The following CHRM3 variants were observed in gnomAD, a reference collection of about 807,000 sequenced individuals.
CHRM3 encodes the protein cholinergic receptor muscarinic 3, also known as muscarinic acetylcholine receptor M3.
A neutral mutation model predicts 41.8 loss-of-function variants in CHRM3; 11 were observed. That is an observed-to-expected ratio of 0.26 (90% CI 0.17 to 0.44). CHRM3 has a LOEUF of 0.44. Ranked by LOEUF, CHRM3 falls within the 20% of genes least tolerant of loss-of-function variation. The pLI, the probability that CHRM3 is intolerant of heterozygous loss-of-function variation, is 1.00. For missense variants in CHRM3, 571 were observed against 745.4 expected (o/e 0.77, Z 2.72); for synonymous variants, 297 against 301.4 (o/e 0.99, Z 0.15).
chr1:239,722,888 A>G (rs1041026006), intron 5 of CHRM3, among the ~76,000 whole-genome samples: 1 of 151,932 alleles, frequency 6.6e-6, no homozygotes, highest in Non-Finnish European at 1.5e-5. Context: ...TGTATCAACT[A>G]GGGAATATAA....
intron 6 of CHRM3, among the ~76,000 whole-genome samples, chr1:239,868,529 C>T (rs574299592): frequency 2.0e-5 from 3 of 152,274 alleles, no homozygotes; most frequent in Admixed American, 2.0e-4. Flanking sequence ...GCAAAGACCA[C>T]TACTATAAAC....
chr1:239,837,002 G>A (rs1673379221), intron 6 of CHRM3, among the ~76,000 whole-genome samples: 2 of 151,858 alleles, frequency 1.3e-5, no homozygotes, highest in Admixed American at 1.3e-4. Flanking sequence ...TGGGTGAAGG[G>A]GAGAGGCAAG....
chr1:239,849,372 C>G (rs1248589312), intron 6 of CHRM3, among the ~76,000 whole-genome samples: 1 of 152,284 alleles, frequency 6.6e-6, no homozygotes, highest in Non-Finnish European at 1.5e-5. Context: ...ACAGACGTTT[C>G]CCATTATAGG....
rs551787563 is a variant in CHRM3 at position 239,805,176 on chromosome 1, G to T, written c.-146-22076G>T. On this transcript the variant is annotated intron_variant, in intron 5 of 6. Coordinates refer to ENST00000676153, the MANE Select transcript of CHRM3 (RefSeq NM_001375978.1). Reference sequence around the variant, plus strand: ...TTTAATCCCTGCAAATGGGAGGATGGTGTCATGCCCTTTTCATGGATGAAA... The same window carrying T: ...TTTAATCCCTGCAAATGGGAGGATGTTGTCATGCCCTTTTCATGGATGAAA... Among the ~76,000 whole-genome samples the T allele has an allele frequency of 5.3e-5, 8 of 152,280 alleles. No homozygotes were observed. In the South Asian group the frequency reaches 1.7e-3, roughly 32 times the overall value.
chr1:239,525,501 C>A (rs1669936183), intron 2 of CHRM3, among the ~76,000 whole-genome samples: 2 of 151,344 alleles, frequency 1.3e-5, no homozygotes, highest in African/African-American at 4.9e-5. Flanking sequence ...TAGTATGAAC[C>A]CCTATATACA....
intron 5 of CHRM3, among the ~76,000 whole-genome samples, chr1:239,702,751 T>C (rs921148013): frequency 3.3e-5 from 5 of 152,230 alleles, no homozygotes; most frequent in Admixed American, 3.3e-4. Context: ...GCTAGGATTA[T>C]AGGCATGTGC....
At chr1:239,792,813 A>G (rs1368651090) in intron 5 of CHRM3, among the ~76,000 whole-genome samples, 2 of 152,246 alleles carry the variant, frequency 1.3e-5, no homozygotes, top group Non-Finnish European at 2.9e-5. Flanking sequence ...TGTTCATCAA[A>G]TTATGTTGTC....
chr1:239,529,729 T>C (rs549682394), intron 2 of CHRM3, among the ~76,000 whole-genome samples: 47 of 152,272 alleles, frequency 3.1e-4, no homozygotes, highest in African/African-American at 1.1e-3. Flanking sequence ...CTCTGTCCAT[T>C]CGTCATTAAT....
At chr1:239,805,881 C>A (rs967782625) in intron 5 of CHRM3, among the ~76,000 whole-genome samples, 1 of 152,132 alleles carries the variant, frequency 6.6e-6, no homozygotes, top group Non-Finnish European at 1.5e-5. Flanking sequence ...GATTTCCCTT[C>A]TTGGTTAGTT....
At chr1:239,504,306 A>T (rs1386213693) in intron 2 of CHRM3, among the ~76,000 whole-genome samples, 1 of 152,196 alleles carries the variant, frequency 6.6e-6, no homozygotes. Flanking sequence ...ACCAACAAAC[A>T]TGAAAAAATA....
At chr1:239,732,257 GT>G (rs1236761869) in intron 5 of CHRM3, among the ~76,000 whole-genome samples, 3 of 149,680 alleles carry the variant, frequency 2.0e-5, no homozygotes, top group Admixed American at 6.7e-5. Flanking sequence ...ACTTAGATAA[GT>G]ATACCTAATA....
chr1:239,549,752 C>T (rs116616224), intron 3 of CHRM3, among the ~76,000 whole-genome samples: 228 of 151,396 alleles, frequency 1.5e-3, no homozygotes, highest in African/African-American at 5.0e-3. Flanking sequence ...TCTCTAAAAA[C>T]TAAAGCAGAA....
At chr1:239,659,697 A>G (rs1445089497) in intron 4 of CHRM3, among the ~76,000 whole-genome samples, 4 of 152,172 alleles carry the variant, frequency 2.6e-5, no homozygotes, top group South Asian at 2.1e-4. Context: ...GATTTCTTCA[A>G]CTGAACCACA....
At chr1:239,894,046 T>C (rs1678775887) in intron 6 of CHRM3, among the ~76,000 whole-genome samples, 1 of 152,206 alleles carries the variant, frequency 6.6e-6, no homozygotes, top group South Asian at 2.1e-4. Flanking sequence ...ACAATGACTG[T>C]CTTTTTCTGG....
At chr1:239,695,884 A>T (rs1242599595) in intron 5 of CHRM3, among the ~76,000 whole-genome samples, 2 of 152,168 alleles carry the variant, frequency 1.3e-5, no homozygotes, top group South Asian at 4.1e-4. Context: ...TGCACAATTC[A>T]TGTGCACTAA....
chr1:239,715,227 G>A (rs912586430), intron 5 of CHRM3, among the ~76,000 whole-genome samples: 9 of 141,568 alleles, frequency 6.4e-5, no homozygotes, highest in Non-Finnish European at 9.4e-5. Context: ...AATTGGTTAA[G>A]AGCAAATGAT....
intron 5 of CHRM3, among the ~76,000 whole-genome samples, chr1:239,698,829 T>C (rs1314582392): frequency 6.6e-6 from 1 of 152,164 alleles, no homozygotes; most frequent in Non-Finnish European, 1.5e-5. Flanking sequence ...CTGCATTGTC[T>C]GTGTCCTTCT....
intron 5 of CHRM3, among the ~76,000 whole-genome samples, chr1:239,750,625 T>G (rs866678991): frequency 1.3e-5 from 2 of 152,196 alleles, no homozygotes; most frequent in Non-Finnish European, 1.5e-5. Context: ...CTTGCGTTAA[T>G]CACAGAGTTT....
intron 2 of CHRM3, among the ~76,000 whole-genome samples, chr1:239,510,852 G>T (rs1000857978): frequency 2.0e-5 from 3 of 152,046 alleles, no homozygotes; most frequent in African/African-American, 7.3e-5. Context: ...CTTATAATGT[G>T]AAATAATTTC....
Sources: allele counts gnomAD v4.1 joint callset (sites outside exome capture counted in the v4.1 genomes callset), GRCh38; gene constraint gnomAD v4.1.1; transcripts MANE v1.5; gene names NCBI Gene and HGNC (gene_info 2026-07-23, HGNC 2026-07-21).